Variants in GABRG2 observed in about 807,000 individuals in gnomAD.
The protein encoded by GABRG2 is gamma-aminobutyric acid receptor subunit gamma-2.
Under a neutral mutation model 56.4 loss-of-function variants are expected in GABRG2, and 16 were observed. The ratio of observed to expected loss-of-function variants is 0.28; its 90% CI spans 0.19 to 0.43. The LOEUF (loss-of-function observed/expected upper bound fraction) is 0.43. Ranked by LOEUF, GABRG2 falls within the 20% of genes least tolerant of loss-of-function variation. The probability of loss-of-function intolerance (pLI) is 1.00; values close to 1 mark genes in which losing one functional copy is unlikely to be tolerated. For missense variants in GABRG2, 327 were observed against 582.7 expected (o/e 0.56, Z 4.52); for synonymous variants, 208 against 205.5 (o/e 1.01, Z -0.10).
chr5:162,098,605 G>A (rs1170140286), intron 4 of GABRG2: 5 of 152,238 alleles, frequency 3.3e-5, no homozygotes, highest in African/African-American at 9.6e-5. Context: ...TCAGACATCC[G>A]ACTTTGGTTC....
At chr5:162,074,241 A>G (rs1415546459) in intron 1 of GABRG2, among the ~76,000 whole-genome samples, 1 of 152,058 alleles carries the variant, frequency 6.6e-6, no homozygotes, top group African/African-American at 2.4e-5. Context: ...AACTATGGCA[A>G]TAATTCTATA....
chr5:162,133,853 A>T (rs368873778), intron 6 of GABRG2, among the ~76,000 whole-genome samples: 10 of 152,224 alleles, frequency 6.6e-5, no homozygotes, highest in African/African-American at 2.4e-4. Context: ...GCAAATACTG[A>T]GCTTTCTTTC....
At chr5:162,086,186 G>A (rs1760093558) in intron 1 of GABRG2, among the ~76,000 whole-genome samples, 1 of 152,030 alleles carries the variant, frequency 6.6e-6, no homozygotes, top group South Asian at 2.1e-4. Flanking sequence ...GCTCCTTTTA[G>A]TATTAACTGT....
intron 6 of GABRG2, chr5:162,128,397 G>A (rs1016575753): frequency 2.0e-5 from 3 of 151,994 alleles, no homozygotes; most frequent in African/African-American, 7.2e-5. Flanking sequence ...TGGTAAGACT[G>A]TTTGCTGGCA....
chr5:162,086,014 TGC>T (rs1316801459), intron 1 of GABRG2, among the ~76,000 whole-genome samples: 1 of 152,020 alleles, frequency 6.6e-6, no homozygotes, highest in Non-Finnish European at 1.5e-5. Context: ...TCCATGTCTT[TGC>T]CATTGTGAAT....
chr5:162,123,531 C>T (rs1581404463), intron 6 of GABRG2, among the ~76,000 whole-genome samples: 1 of 151,778 alleles, frequency 6.6e-6, no homozygotes, highest in South Asian at 2.1e-4. Flanking sequence ...CTCAACCTGT[C>T]TTGGGAGTTA....
chr5:162,137,641 A>T (rs2113572051), intron 6 of GABRG2, among the ~76,000 whole-genome samples: 1 of 152,212 alleles, frequency 6.6e-6, no homozygotes, highest in East Asian at 1.9e-4. Flanking sequence ...TTTATTTTGG[A>T]AATATCTCAC....
chr5:162,102,581 T>C (rs1430176747), intron 5 of GABRG2: 1 of 454,146 alleles, frequency 2.2e-6, no homozygotes, highest in East Asian at 7.0e-5. Flanking sequence ...CAGGCTGGAA[T>C]GTGCAGTGGT....
chr5:162,136,762 T>A (rs558565288), intron 6 of GABRG2, among the ~76,000 whole-genome samples: 1 of 152,238 alleles, frequency 6.6e-6, no homozygotes, highest in South Asian at 2.1e-4. Context: ...CCTATTTAAG[T>A]TTAGTGAACA....
chr5:162,142,451 A>G, intron 7 of GABRG2, 135 bp downstream of exon 7: 1 of 941,694 alleles, frequency 1.1e-6, no homozygotes, highest in Non-Finnish European at 1.7e-6. Context: ...TTCATATTCA[A>G]GAGAACTGGC....
At chr5:162,101,210 T>A (rs1239946840) in intron 4 of GABRG2, 25 bp from the exon 5 acceptor site, 4 of 1,459,960 alleles carry the variant, frequency 2.7e-6, no homozygotes, top group Non-Finnish European at 3.8e-6. Context: ...AAAATCCATC[T>A]TATGTTTAAT....
intron 6 of GABRG2, among the ~76,000 whole-genome samples, chr5:162,123,978 C>A (rs1174952542): frequency 1.3e-5 from 2 of 151,774 alleles, no homozygotes; most frequent in African/African-American, 4.8e-5. Flanking sequence ...TCCATATAAG[C>A]AAAATGCAGC....
chr5:162,101,504 A>G (rs764235541), intron 5 of GABRG2, 187 bp downstream of exon 5: 49 of 618,270 alleles, frequency 7.9e-5, no homozygotes, highest in Non-Finnish European at 1.4e-4. Flanking sequence ...TTCCTGCAAA[A>G]GAAGGGCTGA....
intron 1 of GABRG2, among the ~76,000 whole-genome samples, chr5:162,071,905 G>C (rs530358122): frequency 4.6e-5 from 7 of 151,312 alleles, no homozygotes; most frequent in Non-Finnish European, 1.0e-4. Context: ...GTTACCCTGA[G>C]GCCATTAACC....
chr5:162,113,772 G>C (rs2113438217), intron 6 of GABRG2, among the ~76,000 whole-genome samples: 1 of 152,348 alleles, frequency 6.6e-6, no homozygotes, highest in South Asian at 2.1e-4. Context: ...CACAAACTGT[G>C]TAACGGTTCC....
chr5:162,133,182 AC>A (rs1763878012), intron 6 of GABRG2, among the ~76,000 whole-genome samples: 1 of 152,110 alleles, frequency 6.6e-6, no homozygotes, highest in African/African-American at 2.4e-5. Flanking sequence ...AATATCACCT[AC>A]CAATGTCACA....
chr5:162,074,900 A>G (rs1437008976), intron 1 of GABRG2, among the ~76,000 whole-genome samples: 1 of 149,964 alleles, frequency 6.7e-6, no homozygotes, highest in Non-Finnish European at 1.5e-5. Context: ...AGAGATAAGA[A>G]TTGGCCTCTT....
intron 4 of GABRG2, chr5:162,099,816 T>A (rs1370798369): frequency 6.6e-6 from 1 of 152,158 alleles, no homozygotes; most frequent in Non-Finnish European, 1.5e-5. Flanking sequence ...AGAGAGATGA[T>A]TTTGTTCTGG....
chr5:162,141,331 C>G (rs1038229194), intron 6 of GABRG2, among the ~76,000 whole-genome samples: 1 of 152,176 alleles, frequency 6.6e-6, no homozygotes, highest in Non-Finnish European at 1.5e-5. Flanking sequence ...GCCACCGCAC[C>G]CAGCCAAATT....
Sources: gnomAD v4.1 joint callset for allele counts (sites outside exome capture counted in the v4.1 genomes callset) on GRCh38, gnomAD v4.1.1 for gene constraint, MANE v1.5 for transcripts, NCBI Gene and HGNC (gene_info 2026-07-23, HGNC 2026-07-21) for gene names.